Variants in EXT2 observed in about 807,000 individuals in gnomAD.
The protein encoded by EXT2 is exostosin glycosyltransferase 2.
Under a neutral mutation model 81.6 loss-of-function variants are expected in EXT2, and 53 were observed. The observed-to-expected ratio is 0.65, with a 90% CI of 0.52 to 0.82. The LOEUF is 0.82. Ranked by LOEUF, EXT2 falls within the 40% of genes least tolerant of loss-of-function variation. The pLI, the probability that EXT2 is intolerant of heterozygous loss-of-function variation, is 0.00. For synonymous variants in EXT2, 320 were observed against 340.0 expected, an observed-to-expected ratio of 0.94 and a Z score of 0.65; for missense variants, 774 against 910.2, an observed-to-expected ratio of 0.85 and a Z score of 1.93.
At chr11:44,185,497 T>G (rs956503463) in intron 8 of EXT2, among the ~76,000 whole-genome samples, 6 of 151,438 alleles carry the variant, frequency 4.0e-5, no homozygotes, top group African/African-American at 1.5e-4. Flanking sequence ...CAATAAAAGG[T>G]TTTTTTTTGC....
At chr11:44,149,327 A>G (rs1250113204) in intron 7 of EXT2, among the ~76,000 whole-genome samples, 2 of 152,200 alleles carry the variant, frequency 1.3e-5, no homozygotes, top group Non-Finnish European at 2.9e-5. Context: ...ATGCCACTGC[A>G]CTTCAGGCAG....
intron 10 of EXT2, among the ~76,000 whole-genome samples, chr11:44,209,859 A>T (rs1178759218): frequency 1.3e-5 from 2 of 152,224 alleles, no homozygotes; most frequent in African/African-American, 4.8e-5. Context: ...TCCTTCTAGA[A>T]TGTAAGCACC....
At chr11:44,148,764 G>T (rs1384160471) in intron 7 of EXT2, among the ~76,000 whole-genome samples, 1 of 152,264 alleles carries the variant, frequency 6.6e-6, no homozygotes, top group Non-Finnish European at 1.5e-5. Context: ...ATCTCTGCCT[G>T]CTTGGAAGCT....
In EXT2 at chr11:44,124,909, C is replaced by G; in HGVS notation, c.864C>G (p.Asn288Lys). The change falls in exon 5 of 14, where the codon AAC (asparagine) becomes AAG (lysine). Residue 288 changes from asparagine to lysine, a missense_variant. This residue lies in a region of EXT2 where 626 missense variants were observed against 670.5 expected (regional missense o/e 0.93). Transcript: ENST00000533608. ...TGTTAGTACTCGATAAATGCACCAA[C>G]CTCTCAGAGGGTGTCCTTTCTGTCC... ...ESVLVLDKCT[N>K]LSEGVLSVRK... 1 of 1,614,082 alleles carries G rather than the reference C, an allele frequency of 6.2e-7. No homozygotes were observed. The highest frequency in any genetic ancestry group is 8.5e-7 in the Non-Finnish European group (1 of 1,180,020).
In EXT2 at chr11:44,203,345, C is replaced by G. The variant is rs187955625; in HGVS notation, c.1496-3448C>G. Among the ~76,000 whole-genome samples, 61 of 152,238 alleles carry G rather than the reference C, an allele frequency of 4.0e-4. 1 individual carries two copies. The East Asian group carries it at 4.3e-3, about 11-fold the overall frequency. On this transcript the variant is annotated intron_variant, in intron 9 of 13. Coordinates refer to ENST00000533608, the MANE Select transcript of EXT2 (RefSeq NM_207122.2). ...AAATAAACTTGGGAGAGCCCCTTCC[C>G]CAGCTAGATCTGAGATTCACACCTT...
chr11:44,141,435 C>G (rs1954644911), intron 7 of EXT2, among the ~76,000 whole-genome samples: 2 of 152,166 alleles, frequency 1.3e-5, no homozygotes, highest in South Asian at 4.1e-4. Flanking sequence ...CAAAACAAAG[C>G]AAAATGCCCC....
chr11:44,105,444 A>G (rs531202351), intron 1 of EXT2, among the ~76,000 whole-genome samples: 4 of 152,326 alleles, frequency 2.6e-5, no homozygotes, highest in Admixed American at 6.5e-5. Flanking sequence ...GGTGTCTGCC[A>G]TCATGCCTGG....
chr11:44,211,138 G>A (rs1955643057), intron 10 of EXT2, among the ~76,000 whole-genome samples: 1 of 152,180 alleles, frequency 6.6e-6, no homozygotes, highest in African/African-American at 2.4e-5. Flanking sequence ...AAAGAGTTTA[G>A]AAATGGACCA....
chr11:44,244,421 T>C lies in EXT2; in HGVS notation c.*134T>C. 2 of 864,582 alleles carry C rather than the reference T, an allele frequency of 2.3e-6. No individual in the cohort carries two copies. Among genetic ancestry groups the C allele is most frequent in the Non-Finnish European group, 3.8e-6 (2 of 532,164 alleles). The allele number at this position is 864,582 out of a possible 1,614,324, so 53.6% of individuals were successfully genotyped here. On this transcript the variant is annotated 3_prime_UTR_variant, in exon 14 of 14. Transcript: ENST00000533608. The stretch of plus-strand genomic sequence containing the variant: ...ACTTGGATCTTGGCATGCACCCACC[T>C]AACCCACTTTCTCAAGAACAAGAAC...
intron 9 of EXT2, among the ~76,000 whole-genome samples, chr11:44,200,339 C>T (rs1432440204): frequency 1.3e-5 from 2 of 149,242 alleles, no homozygotes; most frequent in Non-Finnish European, 3.0e-5. Context: ...CAACCAAATA[C>T]TTTTTTCTTT....
chr11:44,111,000 G>C (rs1954134591), intron 3 of EXT2, among the ~76,000 whole-genome samples: 1 of 152,144 alleles, frequency 6.6e-6, no homozygotes, highest in South Asian at 2.1e-4. Context: ...CTTGCTCCTG[G>C]ATTCAAAGGA....
rs958668860 is a variant in EXT2 at position 44,251,705 on chromosome 11, T to A, written c.*7418T>A. On this transcript the variant is annotated 3_prime_UTR_variant, in exon 14 of 14. Transcript: ENST00000533608. Reference sequence around the variant, plus strand: ...GGACCAGAAGAAAGTAAATTTTCATTTATGTTTTTAAGTCTATTGTCTTAA... The same window carrying A: ...GGACCAGAAGAAAGTAAATTTTCATATATGTTTTTAAGTCTATTGTCTTAA... Among the ~76,000 whole-genome samples the A allele has an allele frequency of 3.9e-5, 6 of 152,212 alleles. No individual in the cohort carries two copies. Among genetic ancestry groups the A allele is most frequent in the African/African-American group, 1.4e-4 (6 of 41,444 alleles).
chr11:44,099,375 T>C (rs1953950271), intron 1 of EXT2, among the ~76,000 whole-genome samples: 1 of 152,104 alleles, frequency 6.6e-6, no homozygotes, highest in South Asian at 2.1e-4. Flanking sequence ...TTAGTAGAGA[T>C]GGGGTTTCAC....
At chr11:44,131,538 G>A (rs542024538) in intron 7 of EXT2, among the ~76,000 whole-genome samples, 1 of 152,158 alleles carries the variant, frequency 6.6e-6, no homozygotes, top group African/African-American at 2.4e-5. Flanking sequence ...TAGCTTCCCT[G>A]CAGTTTATTT....
chr11:44,180,162 A>T (rs954321477), intron 8 of EXT2, among the ~76,000 whole-genome samples: 1 of 152,148 alleles, frequency 6.6e-6, no homozygotes, highest in African/African-American at 2.4e-5. Flanking sequence ...CTTTTCTCTG[A>T]TACTTTCTTC....
In EXT2 at chr11:44,097,149, T is replaced by C. The variant is rs545204290; in HGVS notation, c.-31+1297T>C. Among the ~76,000 whole-genome samples, 6 of 152,340 alleles carry C rather than the reference T, an allele frequency of 3.9e-5. No homozygotes were observed. The South Asian group carries it at 1.0e-3, about 26-fold the overall frequency. On this transcript the variant is annotated intron_variant, in intron 1 of 13. Transcript: ENST00000533608. ...ATGAGGGTAATAATAGCTTGGCTTA[T>C]AGTGCTGTTATGAAGATTAAATAAG...
At chr11:44,096,439 TG>T (rs1953898553) in intron 1 of EXT2, 1 of 1,062,620 alleles carries the variant, frequency 9.4e-7, no homozygotes, top group Non-Finnish European at 1.4e-6. Context: ...GGGGACTGGG[TG>T]GCCGGGGTCA....
At chr11:44,143,974 C>T (rs1282639467) in intron 7 of EXT2, among the ~76,000 whole-genome samples, 1 of 152,186 alleles carries the variant, frequency 6.6e-6, no homozygotes, top group Non-Finnish European at 1.5e-5. Flanking sequence ...TTTGATTTCT[C>T]CCGTCTTACT....
At chr11:44,219,818 T>C (rs1289040105) in intron 10 of EXT2, among the ~76,000 whole-genome samples, 8 of 152,178 alleles carry the variant, frequency 5.3e-5, no homozygotes, top group African/African-American at 1.9e-4. Flanking sequence ...AAAGGGGGCA[T>C]CCCTAACAGA....
Sources: allele counts gnomAD v4.1 joint callset (sites outside exome capture counted in the v4.1 genomes callset), GRCh38; gene constraint gnomAD v4.1.1; regional missense constraint gnomAD v4.1.1; transcripts MANE v1.5; gene names NCBI Gene and HGNC (gene_info 2026-07-23, HGNC 2026-07-21).